ZNF445: variants seen among roughly 807,000 people sequenced by gnomAD.
ZNF445 encodes zinc finger protein 168.
Under a neutral mutation model 93.9 loss-of-function variants are expected in ZNF445, and 19 were observed. That is an observed-to-expected ratio of 0.20 (90% CI 0.14 to 0.30). The LOEUF (loss-of-function observed/expected upper bound fraction) is 0.30, where lower values mean the gene tolerates loss of function less well. Ranked by LOEUF, ZNF445 falls within the 10% of genes least tolerant of loss-of-function variation. The pLI is 1.00. For missense variants in ZNF445, 1,058 were observed against 1,259.4 expected, an observed-to-expected ratio of 0.84 and a Z score of 2.42; for synonymous variants, 449 against 446.3, an observed-to-expected ratio of 1.01 and a Z score of -0.08.
chr3:44,454,141 C>T (rs1003900350), intron 3 of ZNF445, among the ~76,000 whole-genome samples: 1 of 150,648 alleles, frequency 6.6e-6, no homozygotes, highest in African/African-American at 2.4e-5. Context: ...GGTAAAACCT[C>T]ATCTCTACTA....
chr3:44,450,424 G>A, intron 6 of ZNF445, 23 bp downstream of exon 6: 1 of 1,614,038 alleles, frequency 6.2e-7, no homozygotes, highest in South Asian at 1.1e-5. Context: ...ATGGATAGAA[G>A]CATGAGGATA....
At position 44,442,935 on chromosome 3, in the gene ZNF445, G is replaced by A. The variant is rs1478260939; in HGVS notation, c.*3640C>T. 1 of 152,194 alleles carries A rather than the reference G, an allele frequency of 6.6e-6. No homozygotes were observed. Among genetic ancestry groups the A allele is most frequent in the African/African-American group, 2.4e-5 (1 of 41,450 alleles). 9.4% of individuals were successfully genotyped at this position (152,194 alleles called of 1,614,324 possible). A position where few individuals can be genotyped will look rare whatever the true frequency, so the allele number is the denominator to read the frequency against. ...CCTTAACAGAGGTAATTTTGTGCAAGATATTTTCTGCATGGCAAACAGATA... is the reference window on the plus strand; with the variant it reads ...CCTTAACAGAGGTAATTTTGTGCAAAATATTTTCTGCATGGCAAACAGATA... On this transcript the variant is annotated 3_prime_UTR_variant, in exon 8 of 8. Transcript: ENST00000396077.
chr3:44,465,752 A>G (rs1698183816), intron 1 of ZNF445, among the ~76,000 whole-genome samples: 3 of 152,158 alleles, frequency 2.0e-5, no homozygotes, highest in Admixed American at 6.5e-5. Context: ...ATCTCTACTA[A>G]AAATACAAAA....
chr3:44,448,255 G>A lies in ZNF445; in HGVS notation c.1416C>T (p.His472=), dbSNP rs558966847. The change falls in exon 8 of 8, where the codon CAC becomes CAT. Residue 472 remains histidine (H), a synonymous_variant. Coordinates refer to ENST00000396077, the MANE Select transcript of ZNF445 (RefSeq NM_181489.6). ...CGKDFSLSSH[H]QRGQSLHTVG... ...CTGTGTGAAGACTCTGCCCACGTTG[G>A]TGATGAGAGCTAAGGCTGAAGTCTT... is the stretch of plus-strand genomic sequence containing the variant. 2.5e-6 allele frequency: 4 copies of A among 1,614,018 alleles called. No homozygotes were observed. The highest frequency in any genetic ancestry group is 2.2e-5 in the East Asian group (1 of 44,892).
intron 1 of ZNF445, among the ~76,000 whole-genome samples, chr3:44,469,874 C>G (rs1171760021): frequency 6.6e-6 from 1 of 152,210 alleles, no homozygotes; most frequent in Admixed American, 6.5e-5. Flanking sequence ...CCTACAGTCA[C>G]AAGATGTTAA....
At chr3:44,474,772 T>C (rs529915769) in intron 1 of ZNF445, among the ~76,000 whole-genome samples, 13 of 152,302 alleles carry the variant, frequency 8.5e-5, no homozygotes, top group Middle Eastern at 3.4e-3. Context: ...TAATCCAAGA[T>C]AGCAACTTGA....
Position 44,432,452 on chromosome 3 carries a change from T to G in ZNF445, c.*14123A>C, listed in dbSNP as rs1697576981. On this transcript the variant is annotated 3_prime_UTR_variant, in exon 8 of 8. Transcript: ENST00000396077. ...AATACATATTCCAGTGAGAGCCCAG[T>G]GGCACCTGCTGTGGAGCAGGATTAG... is the stretch of plus-strand genomic sequence containing the variant. The G allele has an allele frequency of 6.6e-6, 1 of 152,116 alleles. No individual in the cohort carries two copies. The highest frequency in any genetic ancestry group is 2.1e-4 in the South Asian group (1 of 4,812). 9.4% of individuals were successfully genotyped at this position (152,116 alleles called of 1,614,324 possible).
intron 1 of ZNF445, among the ~76,000 whole-genome samples, chr3:44,476,450 TATGCACACAC>T (rs1274821950): frequency 2.0e-5 from 3 of 152,162 alleles, no homozygotes; most frequent in Non-Finnish European, 4.4e-5. Context: ...GGTCCCTGAA[TATGCACACAC>T]ATGCATGCAC....
At chr3:44,450,019 C>T (rs1219517581) in intron 6 of ZNF445, 3 of 300,272 alleles carry the variant, frequency 1.0e-5, no homozygotes, top group South Asian at 9.5e-5. Flanking sequence ...TGGCTCACTG[C>T]AGCCTCATCC....
intron 3 of ZNF445, 181 bp downstream of exon 3, chr3:44,454,940 A>G: frequency 1.5e-6 from 1 of 667,138 alleles, no homozygotes. Flanking sequence ...AGGAAAGGAT[A>G]CCTGCTAAAG....
In ZNF445 at chr3:44,448,666, A is replaced by T. The variant is rs754290139; in HGVS notation, c.1005T>A (p.Ala335=). The change falls in exon 8 of 8, where the codon GCT becomes GCA. Residue 335 remains alanine (A), a synonymous_variant. Transcript: ENST00000396077. ...QEPLEEAETL[A]VSSGCPATSV... ...TTGTCGCAGGACATCCTGATGACACAGCTAAGGTTTCTGCTTCTTCCAAAG... is the reference window on the plus strand; with the variant it reads ...TTGTCGCAGGACATCCTGATGACACTGCTAAGGTTTCTGCTTCTTCCAAAG... 1.9e-6 allele frequency: 3 copies of T among 1,614,028 alleles called. No individual in the cohort carries two copies. The highest frequency in any genetic ancestry group is 1.7e-6 in the Non-Finnish European group (2 of 1,180,050).
At position 44,447,427 on chromosome 3, in the gene ZNF445, C is replaced by T. The variant is rs764431655; in HGVS notation, c.2244G>A (p.Val748=). The change falls in exon 8 of 8, where the codon GTG becomes GTA. Residue 748 remains valine (V), a synonymous_variant. Transcript: ENST00000396077. The surrounding 1 kb of genome is among the most constrained non-coding windows in gnomAD (Gnocchi z 4.7). ...AGTGACTGCTCTGAGGAACCTGGAACACTGTGTCCTGACTAAAAGATGGCC... is the reference window on the plus strand; with the variant it reads ...AGTGACTGCTCTGAGGAACCTGGAATACTGTGTCCTGACTAAAAGATGGCC... ...EGGPSFSQDT[V]FQVPQSSHSK... is the part of the protein sequence containing the mutation. 6.2e-7 allele frequency: 1 copy of T among 1,614,208 alleles called. No individual in the cohort carries two copies. The highest frequency in any genetic ancestry group is 8.5e-7 in the Non-Finnish European group (1 of 1,180,038).
At position 44,448,616 on chromosome 3, in the gene ZNF445, C is replaced by T; in HGVS notation, c.1055G>A (p.Arg352Lys). Residue 352 changes from arginine to lysine, a missense_variant, in exon 8 of 8, where the codon AGA (arginine) becomes AAA (lysine). Arg to Lys is a conservative substitution (Grantham distance 26, BLOSUM62 2). Around this residue, in one of 3 missense-constraint regions of ZNF445, gnomAD observed 657 missense variants for 746.4 expected, o/e 0.88. Transcript: ENST00000396077. The stretch of plus-strand genomic sequence containing the variant: ...CCTGCTCTTCTGTTGAAAAGATTCT[C>T]TGAGCCCAATTCCCTCAGAAACACT... ...ATSVSEGIGL[R>K]ESFQQKSRQK... 1 of 1,614,178 alleles carries T rather than the reference C, an allele frequency of 6.2e-7. No homozygotes were observed. Among genetic ancestry groups the T allele is most frequent in the Non-Finnish European group, 8.5e-7 (1 of 1,180,044 alleles).
In ZNF445 at chr3:44,435,788, G is replaced by T. The variant is rs1281960169; in HGVS notation, c.*10787C>A. 1.3e-5 allele frequency: 2 copies of T among 152,104 alleles called. No individual in the cohort carries two copies. Among genetic ancestry groups the T allele is most frequent in the Non-Finnish European group, 2.9e-5 (2 of 68,022 alleles). 9.4% of individuals were successfully genotyped at this position (152,104 alleles called of 1,614,324 possible). Reference sequence around the variant, plus strand: ...ATAGGATGGGTTCAGGAATCTACTAGATCTACTGTGAGATGAATCTGAGCC... The same window carrying T: ...ATAGGATGGGTTCAGGAATCTACTATATCTACTGTGAGATGAATCTGAGCC... On this transcript the variant is annotated 3_prime_UTR_variant, in exon 8 of 8. Transcript: ENST00000396077.
Position 44,433,045 on chromosome 3 carries a change from G to A in ZNF445, c.*13530C>T, listed in dbSNP as rs528117980. Reference sequence around the variant, plus strand: ...CTTTGCAACATCCTAACAAGGAGACGGGAAACTGAAGTACCACAGGAAGGA... The same window carrying A: ...CTTTGCAACATCCTAACAAGGAGACAGGAAACTGAAGTACCACAGGAAGGA... On this transcript the variant is annotated 3_prime_UTR_variant, in exon 8 of 8. Coordinates refer to ENST00000396077, the MANE Select transcript of ZNF445 (RefSeq NM_181489.6). 4 of 152,206 alleles carry A rather than the reference G, an allele frequency of 2.6e-5. 1 individual carries two copies. The highest frequency in any genetic ancestry group is 2.1e-4 in the South Asian group (1 of 4,816). The allele number at this position is 152,206 out of a possible 1,614,324, so 9.4% of individuals were successfully genotyped here.
At chr3:44,468,059 T>C (rs534704107) in intron 1 of ZNF445, among the ~76,000 whole-genome samples, 1 of 152,340 alleles carries the variant, frequency 6.6e-6, no homozygotes, top group East Asian at 1.9e-4. Context: ...GTTCTAGCCA[T>C]GCAAGCCATG....
chr3:44,464,252 T>C (rs891760530), intron 1 of ZNF445, among the ~76,000 whole-genome samples: 2 of 152,214 alleles, frequency 1.3e-5, no homozygotes, highest in African/African-American at 4.8e-5. Context: ...TGGGGATCTG[T>C]CTTTGCCTTC....
rs1284216273 is a variant in ZNF445 at position 44,447,277 on chromosome 3, G to A, written c.2394C>T (p.Ala798=). ...KPYKCRECGK[A]FRWSSNLYRH... ...GGTAGAGATTGGAACTCCATCTGAA[G>A]GCTTTCCCACACTCCCTGCACTTAT... Residue 798 remains alanine, a synonymous_variant, in exon 8 of 8, where the codon GCC becomes GCT. Transcript: ENST00000396077. The surrounding 1 kb of genome is among the most constrained non-coding windows in gnomAD (Gnocchi z 4.7). The A allele has an allele frequency of 2.5e-6, 4 of 1,614,086 alleles. No homozygotes were observed. The highest frequency in any genetic ancestry group is 3.4e-6 in the Non-Finnish European group (4 of 1,180,010).
chr3:44,447,253 G>A lies in ZNF445; in HGVS notation c.2418C>T (p.Tyr806=), dbSNP rs1221979419. The A allele has an allele frequency of 3.1e-6, 5 of 1,614,142 alleles. No individual in the cohort carries two copies. The highest frequency in any genetic ancestry group is 1.1e-5 in the South Asian group (1 of 91,084). ...GKAFRWSSNL[Y]RHQRIHSLQK... is the part of the protein sequence containing the mutation. Reference sequence around the variant, plus strand: ...GAAGAGAGTGAATCCTCTGATGTCGGTAGAGATTGGAACTCCATCTGAAGG... The same window carrying A: ...GAAGAGAGTGAATCCTCTGATGTCGATAGAGATTGGAACTCCATCTGAAGG... The change falls in exon 8 of 8, where the codon TAC becomes TAT. Residue 806 remains tyrosine (Y), a synonymous_variant. Transcript: ENST00000396077. This position sits in a 1 kb window ranked among gnomAD's most constrained non-coding sequence, Gnocchi z 4.7.
Sources: gnomAD v4.1 joint callset for allele counts (sites outside exome capture counted in the v4.1 genomes callset) on GRCh38, gnomAD v4.1.1 for gene constraint, gnomAD v4.1.1 regional missense constraint, Gnocchi (gnomAD v3.1) non-coding constraint, MANE v1.5 for transcripts, NCBI Gene and HGNC (gene_info 2026-07-23, HGNC 2026-07-21) for gene names.